The following VEPH1 variants were observed in gnomAD, a reference collection of about 807,000 sequenced individuals.
VEPH1 encodes the protein ventricular zone expressed PH domain containing 1.
A neutral mutation model predicts 85.2 loss-of-function variants in VEPH1; 80 were observed. That is an observed-to-expected ratio of 0.94 (90% CI 0.78 to 1.13). The LOEUF (loss-of-function observed/expected upper bound fraction) is 1.13. VEPH1 is among the 50% of genes most tolerant of loss of function. VEPH1 has a pLI of 0.00. For missense variants in VEPH1, 955 were observed against 980.5 expected (o/e 0.97, Z 0.35); for synonymous variants, 297 against 348.0 (o/e 0.85, Z 1.63).
chr3:157,442,709 C>T, intron 4 of VEPH1: 1 of 1,614,166 alleles, frequency 6.2e-7, no homozygotes. Flanking sequence ...TGGCGGCTAC[C>T]ACTGTTGAGA....
In VEPH1 at chr3:157,410,362, C is replaced by A. The variant is rs150054494; in HGVS notation, c.906+3519G>T. Among the ~76,000 whole-genome samples the A allele has an allele frequency of 1.1e-3, 171 of 152,196 alleles. 1 individual carries two copies. The highest frequency in any genetic ancestry group is 3.8e-3 in the African/African-American group (159 of 41,534). On this transcript the variant is annotated intron_variant, in intron 6 of 13. Coordinates refer to ENST00000362010, the MANE Select transcript of VEPH1 (RefSeq NM_001167912.2). The stretch of plus-strand genomic sequence containing the variant: ...TCCAGGGCAGTTTTTGCCTTTCTTT[C>A]TTTGTTGACATTTCCTTTCACTTTG...
chr3:157,439,000 T>C (rs562166730), intron 4 of VEPH1, among the ~76,000 whole-genome samples: 21 of 152,340 alleles, frequency 1.4e-4, no homozygotes, highest in African/African-American at 4.8e-4. Context: ...GAATTTTATG[T>C]AATGAGAGCA....
At chr3:157,479,331 T>C (rs1373052661) in intron 2 of VEPH1, among the ~76,000 whole-genome samples, 1 of 152,150 alleles carries the variant, frequency 6.6e-6, no homozygotes, top group East Asian at 1.9e-4. Context: ...TATCCTAAAG[T>C]GGTGGGGTGT....
intron 2 of VEPH1, among the ~76,000 whole-genome samples, chr3:157,485,230 A>G (rs1738511648): frequency 6.6e-6 from 1 of 152,124 alleles, no homozygotes; most frequent in Non-Finnish European, 1.5e-5. Context: ...TTTTAAATGG[A>G]TATTTAACTC....
chr3:157,464,418 C>T (rs927734073), intron 3 of VEPH1, among the ~76,000 whole-genome samples: 2 of 152,208 alleles, frequency 1.3e-5, no homozygotes, highest in African/African-American at 4.8e-5. Context: ...CCTATGATTA[C>T]AGTTCTACAA....
At chr3:157,274,252 G>A (rs1364459280) in intron 12 of VEPH1, among the ~76,000 whole-genome samples, 1 of 152,206 alleles carries the variant, frequency 6.6e-6, no homozygotes. Flanking sequence ...ATAAATAGTA[G>A]CTACTGTCAT....
chr3:157,440,466 C>G (rs1424968118), intron 4 of VEPH1, among the ~76,000 whole-genome samples: 1 of 152,086 alleles, frequency 6.6e-6, no homozygotes, highest in African/African-American at 2.4e-5. Flanking sequence ...TTTCTCTTTA[C>G]CAGTTATTCT....
chr3:157,481,902 C>G (rs932270867), intron 2 of VEPH1, among the ~76,000 whole-genome samples: 9 of 151,878 alleles, frequency 5.9e-5, no homozygotes, highest in Non-Finnish European at 1.3e-4. Flanking sequence ...AAGTTTTTGA[C>G]TTTGTCAAAA....
intron 12 of VEPH1, among the ~76,000 whole-genome samples, chr3:157,267,102 C>CTTTTTTTTTT (rs10537483): frequency 8.7e-4 from 108 of 124,634 alleles, no homozygotes; most frequent in Non-Finnish European, 1.6e-3. Flanking sequence ...TCTTTTTTTT[C>CTTTTTTTTTT]TTTTTTTTTT....
intron 12 of VEPH1, among the ~76,000 whole-genome samples, chr3:157,272,301 CCTCT>C (rs1351189587): frequency 1.6e-5 from 2 of 122,096 alleles, no homozygotes; most frequent in East Asian, 2.5e-4. Flanking sequence ...TCCTTCCCTT[CCTCT>C]CTCTCTCTCT....
chr3:157,316,545 T>C (rs1012762976), intron 10 of VEPH1, among the ~76,000 whole-genome samples: 2 of 150,970 alleles, frequency 1.3e-5, no homozygotes, highest in Non-Finnish European at 3.0e-5. Context: ...TATTTTCAAA[T>C]AAGAATCTCT....
intron 7 of VEPH1, among the ~76,000 whole-genome samples, chr3:157,368,297 A>C (rs963353315): frequency 7.2e-5 from 11 of 152,120 alleles, no homozygotes; most frequent in African/African-American, 2.4e-4. Flanking sequence ...GATGCATCAG[A>C]GCTTTAGTAG....
intron 6 of VEPH1, among the ~76,000 whole-genome samples, chr3:157,397,554 A>G (rs1730501980): frequency 6.6e-6 from 1 of 152,136 alleles, no homozygotes; most frequent in Non-Finnish European, 1.5e-5. Flanking sequence ...ATCAATGAGT[A>G]TGGTATGTTT....
At chr3:157,433,480 T>A (rs977224190) in intron 4 of VEPH1, among the ~76,000 whole-genome samples, 12 of 152,348 alleles carry the variant, frequency 7.9e-5, no homozygotes, top group South Asian at 6.2e-4. Flanking sequence ...ATGATTCTTC[T>A]CCTTTAAACT....
intron 3 of VEPH1, among the ~76,000 whole-genome samples, chr3:157,465,267 A>G (rs1275539020): frequency 4.6e-5 from 7 of 152,212 alleles, no homozygotes; most frequent in Admixed American, 4.6e-4. Context: ...TGAATAGAAG[A>G]GCTTATAATT....
chr3:157,491,932 T>C lies in VEPH1; in HGVS notation c.138+3280A>G, dbSNP rs530197916. On this transcript the variant is annotated intron_variant, in intron 2 of 13. Coordinates refer to ENST00000362010, the MANE Select transcript of VEPH1 (RefSeq NM_001167912.2). ...TTGTTCTAAGCAATTGGTCTGAGTA[T>C]TGGGCAATGATAAATTACAATAATA... Among the ~76,000 whole-genome samples the C allele has an allele frequency of 2.6e-5, 4 of 152,300 alleles. No individual in the cohort carries two copies. In the East Asian group the frequency reaches 5.8e-4, roughly 22 times the overall value.
Position 157,403,900 on chromosome 3 carries a change from GTAC to G in VEPH1, c.906+9978_906+9980del, listed in dbSNP as rs141410621. 6.2e-3 allele frequency among the ~76,000 whole-genome samples: 937 copies of G among 152,224 alleles called. 11 individuals carry two copies. Among genetic ancestry groups the G allele is most frequent in the African/African-American group, 0.021 (877 of 41,544 alleles). On this transcript the variant is annotated intron_variant, in intron 6 of 13. Transcript: ENST00000362010. ...TGTAGGGCCTGGATCCTCAGGAGCA[GTAC>G]TACTTACACTTTCATGTGCATACAC...
At chr3:157,339,083 C>A (rs996696368) in intron 9 of VEPH1, among the ~76,000 whole-genome samples, 1 of 152,162 alleles carries the variant, frequency 6.6e-6, no homozygotes, top group Non-Finnish European at 1.5e-5. Context: ...GGACTCCAAC[C>A]CACCCTCTGC....
intron 1 of VEPH1, among the ~76,000 whole-genome samples, chr3:157,501,303 T>C (rs1056686992): frequency 6.6e-6 from 1 of 152,206 alleles, no homozygotes; most frequent in Non-Finnish European, 1.5e-5. Flanking sequence ...TCTTGTTTCC[T>C]GGAGAGATAG....
Sources: allele counts gnomAD v4.1 joint callset (sites outside exome capture counted in the v4.1 genomes callset), GRCh38; gene constraint gnomAD v4.1.1; transcripts MANE v1.5; gene names NCBI Gene and HGNC (gene_info 2026-07-23, HGNC 2026-07-21).